Variants in ITGB2 observed in about 807,000 individuals in gnomAD.
ITGB2 encodes the protein integrin subunit beta 2.
A neutral mutation model predicts 86.8 loss-of-function variants in ITGB2; 56 were observed. The ratio of observed to expected loss-of-function variants is 0.65; its 90% CI spans 0.52 to 0.81. The LOEUF is 0.81. Ranked by LOEUF, ITGB2 falls within the 30% of genes least tolerant of loss-of-function variation. The pLI is 0.00. For missense variants in ITGB2, 948 were observed against 1,061.2 expected, an observed-to-expected ratio of 0.89 and a Z score of 1.48; for synonymous variants, 457 against 450.4, an observed-to-expected ratio of 1.01 and a Z score of -0.19.
At position 44,891,997 on chromosome 21, in the gene ITGB2, C is replaced by A; in HGVS notation, c.1225-1G>T. On this transcript the variant is annotated splice_acceptor_variant, in intron 10 of 15. Coordinates refer to ENST00000652462, the MANE Select transcript of ITGB2 (RefSeq NM_000211.5). LOFTEE classifies it high-confidence loss of function. Reference sequence around the variant, plus strand: ...CCGTGACCTTCACCTGGAAGGTGATCTGCAGGGCAGTGCTGGGCTCAGGTG... The same window carrying A: ...CCGTGACCTTCACCTGGAAGGTGATATGCAGGGCAGTGCTGGGCTCAGGTG... The A allele has an allele frequency of 1.2e-6, 2 of 1,611,758 alleles. No individual in the cohort carries two copies. The highest frequency in any genetic ancestry group is 1.7e-6 in the Non-Finnish European group (2 of 1,179,846).
chr21:44,909,093 G>C (rs886243898), intron 3 of ITGB2, among the ~76,000 whole-genome samples: 2 of 152,222 alleles, frequency 1.3e-5, no homozygotes, highest in African/African-American at 4.8e-5. Flanking sequence ...CAGTGATGGC[G>C]GCTTCAGGCG....
In ITGB2 at chr21:44,907,031, C is replaced by G. The variant is rs1191160890; in HGVS notation, c.212G>C (p.Arg71Thr). Reference sequence around the variant, plus strand: ...CATGATGTCGTCAGCCGCACAGCCCCTCATGAGCAGCTGTGGCCGGGTGTC... The same window carrying G: ...CATGATGTCGTCAGCCGCACAGCCCGTCATGAGCAGCTGTGGCCGGGTGTC... ...RCDTRPQLLMRGCAADDIMDP... is the reference protein window; with the variant it reads ...RCDTRPQLLMTGCAADDIMDP... Residue 71 changes from arginine to threonine, a missense_variant, in exon 4 of 16, where the codon AGG (arginine) becomes ACG (threonine). Arg to Thr is a moderately conservative substitution (Grantham distance 71). Transcript: ENST00000652462. 6.2e-7 allele frequency: 1 copy of G among 1,613,814 alleles called. No homozygotes were observed. Among genetic ancestry groups the G allele is most frequent in the Non-Finnish European group, 8.5e-7 (1 of 1,179,736 alleles).
rs372912184 is a variant in ITGB2 at position 44,903,260 on chromosome 21, G to C, written c.499+105C>G. The C allele has an allele frequency of 1.3e-5, 19 of 1,452,592 alleles. No homozygotes were observed. In the East Asian group the frequency reaches 4.1e-4, roughly 31 times the overall value. 90.0% of individuals were successfully genotyped at this position (1,452,592 alleles called of 1,614,324 possible). ...GGGGGACCTGCATCTGGGGCCCCCA[G>C]ATCTACCCTGGGGACCTGAGTGCGA... On this transcript the variant is annotated intron_variant, in intron 5 of 15. Coordinates refer to ENST00000652462, the MANE Select transcript of ITGB2 (RefSeq NM_000211.5).
At chr21:44,892,321 G>C (rs1379106534) in intron 10 of ITGB2, among the ~76,000 whole-genome samples, 1 of 152,238 alleles carries the variant, frequency 6.6e-6, no homozygotes, top group Non-Finnish European at 1.5e-5. Context: ...AAACGTTCTG[G>C]TGAGAATCCA....
chr21:44,891,717 G>A (rs1387052226), intron 11 of ITGB2, 92 bp downstream of exon 11: 3 of 1,413,260 alleles, frequency 2.1e-6, no homozygotes, highest in Middle Eastern at 2.2e-4. Context: ...TGGGGGAAGG[G>A]ATGGAGCCAC....
chr21:44,894,195 G>C (rs998189119), intron 9 of ITGB2: 12 of 166,402 alleles, frequency 7.2e-5, no homozygotes, highest in Admixed American at 3.9e-4. Context: ...TGGGGGTTTG[G>C]GGCTCACGGG....
chr21:44,921,767 G>A (rs1350178887), upstream of ITGB2, among the ~76,000 whole-genome samples: 2 of 152,078 alleles, frequency 1.3e-5, no homozygotes, highest in African/African-American at 2.4e-5. Flanking sequence ...TGTCACCCAG[G>A]CTGGAGTGCA....
In ITGB2 at chr21:44,894,872, C is replaced by G; in HGVS notation, c.1083+99G>C. ...GGCCCACGGGGCAGGGGCTTTCCTC[C>G]CAGACCACCCTCCTGCTGACCTGCA... On this transcript the variant is annotated intron_variant, in intron 9 of 15. Transcript: ENST00000652462. The G allele has an allele frequency of 3.3e-6, 3 of 899,806 alleles. No homozygotes were observed. In the South Asian group the frequency reaches 4.0e-5, roughly 12 times the overall value. The allele number at this position is 899,806 out of a possible 1,614,324, so 55.7% of individuals were successfully genotyped here.
chr21:44,911,342 T>G (rs2084129188), intron 1 of ITGB2: 1 of 168,508 alleles, frequency 5.9e-6, no homozygotes, highest in Non-Finnish European at 1.3e-5. Context: ...CACGTGCAAA[T>G]GTACACGCAC....
chr21:44,910,495 C>A (rs544899904), intron 2 of ITGB2, 123 bp from the exon 3 acceptor site: 17 of 1,556,300 alleles, frequency 1.1e-5, no homozygotes, highest in Non-Finnish European at 1.4e-5. Flanking sequence ...CAGGAGGAGA[C>A]CCCGCATTCG....
At chr21:44,899,945 C>T (rs947610757) in intron 7 of ITGB2, among the ~76,000 whole-genome samples, 21 of 152,148 alleles carry the variant, frequency 1.4e-4, no homozygotes, top group African/African-American at 2.4e-4. Flanking sequence ...GGGGAGGAGG[C>T]GGATGCTTGG....
At chr21:44,927,214 G>A (rs973802233) in intron 1 of ITGB2, among the ~76,000 whole-genome samples, 1 of 152,198 alleles carries the variant, frequency 6.6e-6, no homozygotes. Context: ...GGGTTTGAAG[G>A]TCAAGAAAGA....
intron 1 of ITGB2, among the ~76,000 whole-genome samples, chr21:44,919,057 G>C (rs2084256179): frequency 1.6e-5 from 1 of 64,450 alleles, no homozygotes; most frequent in African/African-American, 1.1e-4. Flanking sequence ...TGAGTGCTGG[G>C]AGTGGAAACT....
chr21:44,889,197 C>T (rs2083746849), intron 13 of ITGB2, 79 bp downstream of exon 13: 27 of 1,424,078 alleles, frequency 1.9e-5, no homozygotes, highest in Non-Finnish European at 2.6e-5. Context: ...CACTGGGGTC[C>T]CCGAGTGAGC....
At chr21:44,923,486 G>T (rs1333685257), upstream of ITGB2, among the ~76,000 whole-genome samples, 1 of 152,004 alleles carries the variant, frequency 6.6e-6, no homozygotes, top group African/African-American at 2.4e-5. Context: ...GGGGAGAGTC[G>T]GGAGAGGTGT....
At chr21:44,896,932 T>G (rs2083878754) in intron 8 of ITGB2, among the ~76,000 whole-genome samples, 2 of 152,210 alleles carry the variant, frequency 1.3e-5, no homozygotes, top group Non-Finnish European at 2.9e-5. Context: ...GATTGGGACC[T>G]GCTACTGCTG....
chr21:44,886,867 C>A lies in ITGB2; in HGVS notation c.2116G>T (p.Gly706Trp). ...VAGPNIAAIV[G>W]GTVAGIVLIG... ...AGCACGATGCCTGCCACGGTGCCCC[C>A]GACGATGGCGGCGATGTTGGGGCCT... The change falls in exon 15 of 16, where the codon GGG becomes TGG. Residue 706 changes from glycine to tryptophan, a missense_variant. Gly to Trp is a radical substitution (Grantham distance 184, BLOSUM62 -2). Transcript: ENST00000652462. 1 of 1,613,566 alleles carries A rather than the reference C, an allele frequency of 6.2e-7. No individual in the cohort carries two copies. Among genetic ancestry groups the A allele is most frequent in the Non-Finnish European group, 8.5e-7 (1 of 1,180,016 alleles).
rs111932088 is a variant in ITGB2 at position 44,918,237 on chromosome 21, G to A, written c.-4+2584C>T. Among the ~76,000 whole-genome samples the A allele has an allele frequency of 1.4e-4, 22 of 152,358 alleles. 1 individual carries two copies. The highest frequency in any genetic ancestry group is 4.8e-4 in the African/African-American group (20 of 41,588). On this transcript the variant is annotated intron_variant, in intron 1 of 15. Transcript: ENST00000652462. ...CCTCCGGGAACGGGAGCCAGCCTCC[G>A]GTGACATGGCCTCAGGCAGGACCAC... is the stretch of plus-strand genomic sequence containing the variant.
chr21:44,921,591 A>AGAG (rs913217660), upstream of ITGB2, among the ~76,000 whole-genome samples: 1 of 151,952 alleles, frequency 6.6e-6, no homozygotes, highest in Non-Finnish European at 1.5e-5. Flanking sequence ...GAGAGAAGGG[A>AGAG]GAGGAGGAGG....
Sources: allele counts gnomAD v4.1 joint callset (sites outside exome capture counted in the v4.1 genomes callset), GRCh38; gene constraint gnomAD v4.1.1; transcripts MANE v1.5; gene names NCBI Gene and HGNC (gene_info 2026-07-23, HGNC 2026-07-21).